CACNA1S: variants seen among roughly 807,000 people sequenced by gnomAD.
CACNA1S encodes the protein voltage-dependent L-type calcium channel subunit alpha-1S.
In CACNA1S, 126 loss-of-function variants were observed where a neutral mutation model predicts 207.4. The observed-to-expected ratio is 0.61, with a 90% CI of 0.53 to 0.70. CACNA1S has a LOEUF of 0.70. Ranked by LOEUF, CACNA1S falls within the 30% of genes least tolerant of loss-of-function variation. The pLI is 0.00. For missense variants in CACNA1S, 2,349 were observed against 2,422.8 expected, an observed-to-expected ratio of 0.97 and a Z score of 0.64; for synonymous variants, 960 against 932.7, an observed-to-expected ratio of 1.03 and a Z score of -0.53.
intron 7 of CACNA1S, 113 bp from the exon 8 acceptor site, chr1:201,085,694 C>G: frequency 7.7e-7 from 1 of 1,297,616 alleles, no homozygotes; most frequent in Non-Finnish European, 1.1e-6. Context: ...GCTCCTTTTT[C>G]TGGCCCCGGG....
chr1:201,059,181 AC>A lies in CACNA1S; in HGVS notation c.3525+7del, dbSNP rs759199210. Reference sequence around the variant, plus strand: ...CTTCTCATCTGGCCCGGTGGCCCCCACACTCACCCTGGCCTTGAAGGCCATG... The same window carrying A: ...CTTCTCATCTGGCCCGGTGGCCCCCAACTCACCCTGGCCTTGAAGGCCATG... On this transcript the variant is annotated splice_region_variant and intron_variant, in intron 27 of 43. Coordinates refer to ENST00000362061, the MANE Select transcript of CACNA1S (RefSeq NM_000069.3). 1.4e-4 allele frequency: 224 copies of A among 1,591,508 alleles called. No individual in the cohort carries two copies. Among genetic ancestry groups the A allele is most frequent in the Non-Finnish European group, 1.7e-4 (202 of 1,159,512 alleles).
rs1295207570 is a variant in CACNA1S at position 201,039,812 on chromosome 1, T to C, written c.*19A>G. On this transcript the variant is annotated 3_prime_UTR_variant, in exon 44 of 44. Transcript: ENST00000362061. ...ATTGGTCATGCCAGCTCTAAGCCCA[T>C]GCTGATGCTGTGTGGGCATCACAGC... 2.5e-6 allele frequency: 4 copies of C among 1,601,364 alleles called. No individual in the cohort carries two copies. The Admixed American group carries it at 5.0e-5, about 20-fold the overall frequency.
At chr1:201,057,014 G>T (rs895077076) in intron 28 of CACNA1S, among the ~76,000 whole-genome samples, 2 of 152,118 alleles carry the variant, frequency 1.3e-5, no homozygotes, top group Admixed American at 1.3e-4. Context: ...GCTCTCGCTG[G>T]GTCAGCCCTC....
At chr1:201,070,625 C>A (rs1193701941) in intron 16 of CACNA1S, among the ~76,000 whole-genome samples, 2 of 152,174 alleles carry the variant, frequency 1.3e-5, no homozygotes, top group African/African-American at 4.8e-5. Flanking sequence ...AGCCCACAAC[C>A]TTCCAGAAGT....
intron 28 of CACNA1S, 88 bp downstream of exon 28, chr1:201,058,320 C>G: frequency 8.9e-7 from 1 of 1,129,546 alleles, no homozygotes; most frequent in East Asian, 2.3e-5. Flanking sequence ...CCATGTTGTA[C>G]ACACAGTGGG....
chr1:201,056,070 GACACAC>G (rs58170287), intron 28 of CACNA1S, among the ~76,000 whole-genome samples: 151 of 94,914 alleles, frequency 1.6e-3, no homozygotes, highest in African/African-American at 4.5e-3. Flanking sequence ...CAGACAGACA[GACACAC>G]ACACACACAC....
chr1:201,074,451 A>G, intron 14 of CACNA1S, 55 bp downstream of exon 14: 1 of 1,095,142 alleles, frequency 9.1e-7, no homozygotes, highest in Non-Finnish European at 1.4e-6. Context: ...CAGAGCTGGA[A>G]GGCCATGGCC....
intron 16 of CACNA1S, among the ~76,000 whole-genome samples, chr1:201,072,078 C>A (rs977206156): frequency 1.3e-5 from 2 of 152,164 alleles, no homozygotes; most frequent in Admixed American, 1.3e-4. Context: ...CCGAAGGACC[C>A]AGGACCCAGA....
chr1:201,061,228 G>A, intron 25 of CACNA1S, 39 bp downstream of exon 25: 1 of 1,579,760 alleles, frequency 6.3e-7, no homozygotes, highest in Non-Finnish European at 8.7e-7. Context: ...GAGGCCTGCT[G>A]GAGCTCTGCC....
chr1:201,047,506 C>T lies in CACNA1S; in HGVS notation c.4543+19G>A, dbSNP rs1161109472. On this transcript the variant is annotated intron_variant, in intron 37 of 43. Coordinates refer to ENST00000362061, the MANE Select transcript of CACNA1S (RefSeq NM_000069.3). ...TCCTTGGCTGCTTCTGGACTCTGGT[C>T]CCCCAAAGTAGCACCTACCTCCTAT... 3.8e-6 allele frequency: 6 copies of T among 1,589,906 alleles called. No individual in the cohort carries two copies. The highest frequency in any genetic ancestry group is 3.3e-5 in the Admixed American group (2 of 59,964).
intron 7 of CACNA1S, among the ~76,000 whole-genome samples, chr1:201,086,887 C>T (rs1662055387): frequency 6.6e-6 from 1 of 152,218 alleles, no homozygotes; most frequent in Non-Finnish European, 1.5e-5. Context: ...CTGCTAATAG[C>T]ACTGTGGTTT....
At chr1:201,099,550 C>T (rs1369841411) in intron 2 of CACNA1S, among the ~76,000 whole-genome samples, 5 of 152,164 alleles carry the variant, frequency 3.3e-5, no homozygotes, top group Non-Finnish European at 5.9e-5. Flanking sequence ...GACTCATATT[C>T]GTTGTTAACT....
At chr1:201,081,867 C>A (rs1163956634) in intron 10 of CACNA1S, among the ~76,000 whole-genome samples, 2 of 152,160 alleles carry the variant, frequency 1.3e-5, no homozygotes, top group Admixed American at 6.5e-5. Flanking sequence ...CCTGCTTTCG[C>A]CATGTGACAT....
At chr1:201,072,545 T>C (rs533773525) in intron 16 of CACNA1S, among the ~76,000 whole-genome samples, 7 of 152,088 alleles carry the variant, frequency 4.6e-5, no homozygotes, top group Non-Finnish European at 1.0e-4. Flanking sequence ...GAAAGTAAAA[T>C]GTATGGGTTT....
At chr1:201,109,962 A>T (rs747316506) in intron 2 of CACNA1S, among the ~76,000 whole-genome samples, 2 of 151,010 alleles carry the variant, frequency 1.3e-5, no homozygotes, top group Non-Finnish European at 2.9e-5. Context: ...GGCTGACAGT[A>T]TCAGAATCTG....
At chr1:201,103,259 A>AG (rs1662746712) in intron 2 of CACNA1S, among the ~76,000 whole-genome samples, 1 of 151,714 alleles carries the variant, frequency 6.6e-6, no homozygotes, top group African/African-American at 2.4e-5. Context: ...AAAAAAAAAA[A>AG]AGAAAGAAAG....
At chr1:201,069,219 A>G (rs777686975) in intron 18 of CACNA1S, 23 bp from the exon 19 acceptor site, 1 of 1,610,926 alleles carries the variant, frequency 6.2e-7, no homozygotes, top group African/African-American at 1.3e-5. Flanking sequence ...CAGGGGCGGG[A>G]GCAGCCAGTG....
intron 22 of CACNA1S, among the ~76,000 whole-genome samples, chr1:201,064,747 T>G (rs545888979): frequency 6.6e-6 from 1 of 152,316 alleles, no homozygotes; most frequent in South Asian, 2.1e-4. Flanking sequence ...AAATCAGGGT[T>G]TGTGTGAGGG....
intron 1 of CACNA1S, 118 bp from the exon 2 acceptor site, chr1:201,110,387 T>A: frequency 1.2e-6 from 1 of 862,524 alleles, no homozygotes; most frequent in South Asian, 1.4e-5. Context: ...CTGGACAGGC[T>A]CATGGACGCT....
Sources: allele counts gnomAD v4.1 joint callset (sites outside exome capture counted in the v4.1 genomes callset), GRCh38; gene constraint gnomAD v4.1.1; transcripts MANE v1.5; gene names NCBI Gene and HGNC (gene_info 2026-07-23, HGNC 2026-07-21).